Variants in SCOC observed in about 807,000 individuals in gnomAD.
SCOC encodes short coiled coil protein.
In SCOC, 7 loss-of-function variants were observed where a neutral mutation model predicts 9.9. The observed-to-expected ratio is 0.71, with a 90% CI of 0.40 to 1.33. SCOC has a LOEUF of 1.33. Ranked by LOEUF, SCOC falls within the 40% of genes most tolerant of loss-of-function variation. The probability of loss-of-function intolerance (pLI) is 0.01; values close to 1 mark genes in which losing one functional copy is unlikely to be tolerated. For synonymous variants in SCOC, 19 were observed against 28.2 expected (o/e 0.67, Z 1.03); for missense variants, 66 against 89.7 (o/e 0.74, Z 1.07).
intron 1 of SCOC, among the ~76,000 whole-genome samples, chr4:140,288,462 G>A (rs535038121): frequency 1.4e-4 from 19 of 137,750 alleles, no homozygotes; most frequent in African/African-American, 4.4e-4. Context: ...CACACATAAC[G>A]CAATCCTATA....
intron 2 of SCOC, among the ~76,000 whole-genome samples, chr4:140,367,409 T>C (rs1727851654): frequency 6.6e-6 from 1 of 151,914 alleles, no homozygotes; most frequent in Non-Finnish European, 1.5e-5. Flanking sequence ...AGATGGAGTC[T>C]TGCTGTGTTG....
chr4:140,302,809 A>T (rs998538397), intron 1 of SCOC, among the ~76,000 whole-genome samples: 1 of 152,202 alleles, frequency 6.6e-6, no homozygotes, highest in African/African-American at 2.4e-5. Flanking sequence ...ACAAAAGTAG[A>T]CTGTAGACGT....
intron 1 of SCOC, among the ~76,000 whole-genome samples, chr4:140,258,500 G>A (rs1421642658): frequency 6.6e-6 from 1 of 152,140 alleles, no homozygotes; most frequent in Non-Finnish European, 1.5e-5. Context: ...CATGTAATTA[G>A]GCCGTCCTTA....
chr4:140,312,382 G>T (rs937490491), intron 1 of SCOC, among the ~76,000 whole-genome samples: 3 of 152,096 alleles, frequency 2.0e-5, no homozygotes, highest in Non-Finnish European at 4.4e-5. Flanking sequence ...AGTACAAGGA[G>T]GCCAAGATTT....
intron 1 of SCOC, among the ~76,000 whole-genome samples, chr4:140,307,671 A>G (rs1195252445): frequency 6.6e-6 from 1 of 152,086 alleles, no homozygotes; most frequent in Non-Finnish European, 1.5e-5. Flanking sequence ...CTTAGGTTTG[A>G]TCTAAGTAGC....
At chr4:140,366,736 C>G (rs971593966) in intron 2 of SCOC, 2 of 1,568,382 alleles carry the variant, frequency 1.3e-6, no homozygotes, top group African/African-American at 2.7e-5. Flanking sequence ...CACTTGAGTG[C>G]AAGGTCCATC....
At chr4:140,373,267 T>C, upstream of SCOC, 1 of 1,301,556 alleles carries the variant, frequency 7.7e-7, no homozygotes, top group Non-Finnish European at 9.8e-7. Flanking sequence ...ACCAACCTCT[T>C]TCCTGAATGA....
At chr4:140,371,821 A>T (rs1474792611), upstream of SCOC, among the ~76,000 whole-genome samples, 1 of 152,240 alleles carries the variant, frequency 6.6e-6, no homozygotes, top group South Asian at 2.1e-4. Flanking sequence ...CCATGTCCAT[A>T]GCAGTATTAT....
intron 1 of SCOC, among the ~76,000 whole-genome samples, chr4:140,261,161 T>G (rs1210898771): frequency 3.3e-5 from 5 of 152,206 alleles, no homozygotes; most frequent in African/African-American, 9.6e-5. Flanking sequence ...CCTATTACCT[T>G]TCATCCAAAG....
At chr4:140,279,213 A>G (rs1465004110) in intron 1 of SCOC, among the ~76,000 whole-genome samples, 2 of 152,198 alleles carry the variant, frequency 1.3e-5, no homozygotes, top group African/African-American at 4.8e-5. Flanking sequence ...GTGCAGTTCA[A>G]GCACATGAGC....
At chr4:140,295,583 G>A (rs560037732) in intron 1 of SCOC, among the ~76,000 whole-genome samples, 6 of 152,176 alleles carry the variant, frequency 3.9e-5, no homozygotes, top group Non-Finnish European at 8.8e-5. Context: ...GCGTGGCCCC[G>A]CCTGCTGGCT....
intron 2 of SCOC, among the ~76,000 whole-genome samples, chr4:140,352,118 G>A (rs1166582272): frequency 6.6e-6 from 1 of 152,152 alleles, no homozygotes; most frequent in Non-Finnish European, 1.5e-5. Context: ...GTCAGGACTA[G>A]AGAACCCCCT....
chr4:140,369,316 C>G (rs1329029698), upstream of SCOC: 1 of 422,484 alleles, frequency 2.4e-6, no homozygotes, highest in Non-Finnish European at 4.6e-6. Flanking sequence ...TCACCAAATT[C>G]AGAACAGCAT....
intron 1 of SCOC, among the ~76,000 whole-genome samples, chr4:140,320,715 C>T (rs527854032): frequency 2.6e-4 from 40 of 152,268 alleles, no homozygotes; most frequent in African/African-American, 8.4e-4. Context: ...TGATACATTC[C>T]CTTCATCTTC....
chr4:140,359,537 C>T (rs1459946333), intron 2 of SCOC, among the ~76,000 whole-genome samples: 3 of 152,002 alleles, frequency 2.0e-5, no homozygotes, highest in Admixed American at 1.3e-4. Context: ...GGGGAAGGAA[C>T]GTAGGAGAGG....
rs551603020 is a variant in SCOC at position 140,313,022 on chromosome 4, C to G, written c.-18-30599C>G. 6.6e-5 allele frequency among the ~76,000 whole-genome samples: 10 copies of G among 152,298 alleles called. No individual in the cohort carries two copies. The East Asian group carries it at 1.9e-3, about 29-fold the overall frequency. ...CATGTTAACTGAGTAAAAGTGACAT[C>G]ATAAATGATGGTCATTTAGGTTCTG... On this transcript the variant is annotated intron_variant, in intron 1 of 4. Coordinates refer to the SCOC transcript ENST00000394205.
chr4:140,276,854 A>C (rs1730996003), intron 1 of SCOC, among the ~76,000 whole-genome samples: 1 of 152,144 alleles, frequency 6.6e-6, no homozygotes, highest in Non-Finnish European at 1.5e-5. Flanking sequence ...GAAGTCTCAC[A>C]CACATATCAG....
chr4:140,274,081 C>T (rs1176412516), intron 1 of SCOC, among the ~76,000 whole-genome samples: 1 of 152,114 alleles, frequency 6.6e-6, no homozygotes, highest in African/African-American at 2.4e-5. Context: ...GAAAGAAACT[C>T]GTTGTACATT....
At chr4:140,332,781 A>G (rs1332812284) in intron 1 of SCOC, among the ~76,000 whole-genome samples, 2 of 152,142 alleles carry the variant, frequency 1.3e-5, no homozygotes, top group South Asian at 2.1e-4. Flanking sequence ...TACCACCTCA[A>G]CAGCGACCAC....
Sources: gnomAD v4.1 joint callset for allele counts (sites outside exome capture counted in the v4.1 genomes callset) on GRCh38, gnomAD v4.1.1 for gene constraint, MANE v1.5 for transcripts, NCBI Gene and HGNC (gene_info 2026-07-23, HGNC 2026-07-21) for gene names.